Variants in VSX2 observed in about 807,000 individuals in gnomAD.
VSX2 encodes ceh-10 homeo domain containing homolog.
In VSX2, 28 loss-of-function variants were observed where a neutral mutation model predicts 32.1. The observed-to-expected ratio is 0.87, with a 90% CI of 0.65 to 1.20. The LOEUF (loss-of-function observed/expected upper bound fraction) is 1.20. VSX2 is among the 50% of genes most tolerant of loss of function. The pLI, the probability that VSX2 is intolerant of heterozygous loss-of-function variation, is 0.00. For missense variants in VSX2, 506 were observed against 488.7 expected (o/e 1.04, Z -0.33); for synonymous variants, 243 against 214.1 (o/e 1.14, Z -1.18).
Position 74,243,065 on chromosome 14 carries a change from G to A in VSX2, c.455+1799G>A, listed in dbSNP as rs922711436. On this transcript the variant is annotated intron_variant, in intron 2 of 4. Transcript: ENST00000261980. Reference sequence around the variant, plus strand: ...TGAAGGGAGAAGGTTATTGGAGAGAGGAGAATGGCTACGGATTTCAAGTGC... The same window carrying A: ...TGAAGGGAGAAGGTTATTGGAGAGAAGAGAATGGCTACGGATTTCAAGTGC... Among the ~76,000 whole-genome samples, 8 of 152,272 alleles carry A rather than the reference G, an allele frequency of 5.3e-5. No homozygotes were observed. In the South Asian group the frequency reaches 6.2e-4, roughly 12 times the overall value.
At chr14:74,254,689 G>A (rs544064032) in intron 3 of VSX2, among the ~76,000 whole-genome samples, 2 of 151,776 alleles carry the variant, frequency 1.3e-5, no homozygotes, top group South Asian at 2.1e-4. Flanking sequence ...TGTCTCTACC[G>A]AAAACTAACA....
chr14:74,257,711 C>G (rs1292800423), intron 3 of VSX2, among the ~76,000 whole-genome samples: 6 of 149,366 alleles, frequency 4.0e-5, no homozygotes, highest in African/African-American at 1.5e-4. Context: ...CGCGGACCAC[C>G]CCCCACCCAC....
At chr14:74,248,578 C>T (rs2079209784) in intron 3 of VSX2, among the ~76,000 whole-genome samples, 1 of 152,058 alleles carries the variant, frequency 6.6e-6, no homozygotes, top group Non-Finnish European at 1.5e-5. Flanking sequence ...GTGGTCCCAG[C>T]TACTCAAGAA....
chr14:74,245,754 G>A (rs1459806195), intron 3 of VSX2, among the ~76,000 whole-genome samples: 4 of 152,098 alleles, frequency 2.6e-5, no homozygotes, highest in African/African-American at 9.6e-5. Flanking sequence ...TCCCCATGAT[G>A]AAAGTGTTAC....
Position 74,239,731 on chromosome 14 carries a change from C to A in VSX2, c.170C>A (p.Ala57Asp), listed in dbSNP as rs1309181769. ...SHPRAALDGL[A>D]PGHLLAARSV... is the part of the protein sequence containing the mutation. ...CCGCGGGCAGCGCTCGACGGCCTGG[C>A]CCCCGGGCACTTGCTGGCGGCGCGC... The change falls in exon 1 of 5, where the codon GCC (alanine) becomes GAC (aspartate). Residue 57 changes from alanine to aspartate, a missense_variant. Transcript: ENST00000261980. The A allele has an allele frequency of 2.6e-6, 4 of 1,548,772 alleles. No homozygotes were observed. Among genetic ancestry groups the A allele is most frequent in the Non-Finnish European group, 3.5e-6 (4 of 1,146,574 alleles).
chr14:74,248,470 T>C (rs1010102553), intron 3 of VSX2, among the ~76,000 whole-genome samples: 1 of 151,898 alleles, frequency 6.6e-6, no homozygotes, highest in Non-Finnish European at 1.5e-5. Context: ...AAGAATTCCT[T>C]GAGTCCAGGA....
At chr14:74,257,719 C>A (rs924013887) in intron 3 of VSX2, among the ~76,000 whole-genome samples, 10 of 150,700 alleles carry the variant, frequency 6.6e-5, no homozygotes, top group African/African-American at 2.2e-4. Context: ...ACCCCCCACC[C>A]ACTTCCCCCG....
intron 3 of VSX2, among the ~76,000 whole-genome samples, chr14:74,248,352 C>T: frequency 1.3e-5 from 1 of 76,882 alleles, no homozygotes; most frequent in South Asian, 3.9e-4. Flanking sequence ...AAAAAAAAAA[C>T]AAAAAAAACC....
chr14:74,253,668 C>G (rs775502338), intron 3 of VSX2, among the ~76,000 whole-genome samples: 2 of 152,174 alleles, frequency 1.3e-5, no homozygotes, highest in Non-Finnish European at 2.9e-5. Context: ...TGGTGGCTCA[C>G]GCCTGTAATC....
At position 74,251,434 on chromosome 14, in the gene VSX2, G is replaced by C. The variant is rs1235919509; in HGVS notation, c.579+6146G>C. Among the ~76,000 whole-genome samples, 3 of 152,276 alleles carry C rather than the reference G, an allele frequency of 2.0e-5. No individual in the cohort carries two copies. In the East Asian group the frequency reaches 5.8e-4, roughly 29 times the overall value. On this transcript the variant is annotated intron_variant, in intron 3 of 4. Coordinates refer to ENST00000261980, the MANE Select transcript of VSX2 (RefSeq NM_182894.3). ...CATTGCACTCCAGCCTGGGCAACAA[G>C]AGCGAAACTCTGTCTCAAAAAAGCA...
intron 3 of VSX2, among the ~76,000 whole-genome samples, chr14:74,251,178 G>A (rs2079226827): frequency 1.3e-5 from 2 of 151,978 alleles, no homozygotes; most frequent in Middle Eastern, 3.4e-3. Context: ...CGCCGGGTAC[G>A]GTGGCTCACA....
At chr14:74,258,494 C>T (rs2079282377) in intron 3 of VSX2, among the ~76,000 whole-genome samples, 1 of 152,112 alleles carries the variant, frequency 6.6e-6, no homozygotes, top group South Asian at 2.1e-4. Context: ...GTCCTCCCCT[C>T]CCGACTCCCT....
chr14:74,253,692 A>T (rs978738857), intron 3 of VSX2, among the ~76,000 whole-genome samples: 1 of 152,196 alleles, frequency 6.6e-6, no homozygotes, highest in Non-Finnish European at 1.5e-5. Context: ...GCACTTTCGG[A>T]GGCCGAGGCT....
At chr14:74,241,131 C>T (rs373661181) in intron 1 of VSX2, 51 bp from the exon 2 acceptor site, 14 of 1,592,406 alleles carry the variant, frequency 8.8e-6, no homozygotes, top group Non-Finnish European at 1.2e-5. Context: ...GTTTCGGGCA[C>T]AGCGGAGCGC....
intron 3 of VSX2, among the ~76,000 whole-genome samples, chr14:74,248,058 C>G (rs1454429483): frequency 6.6e-6 from 1 of 151,996 alleles, no homozygotes; most frequent in African/African-American, 2.4e-5. Context: ...AGAGTTGAGT[C>G]TCTTTAGACT....
chr14:74,245,731 C>G (rs528329641), intron 3 of VSX2, among the ~76,000 whole-genome samples: 3 of 152,032 alleles, frequency 2.0e-5, no homozygotes, highest in Non-Finnish European at 4.4e-5. Flanking sequence ...TGTTTCCCTC[C>G]CCTCTCCTCC....
intron 2 of VSX2, among the ~76,000 whole-genome samples, chr14:74,244,837 A>G (rs2079173266): frequency 6.6e-6 from 1 of 151,364 alleles, no homozygotes; most frequent in Non-Finnish European, 1.5e-5. Flanking sequence ...GCCTTGAGGA[A>G]GAAGAGTCCG....
At chr14:74,241,134 C>A (rs548361723) in intron 1 of VSX2, 48 bp from the exon 2 acceptor site, 82 of 1,591,454 alleles carry the variant, frequency 5.2e-5, no homozygotes, top group Non-Finnish European at 6.3e-5. Flanking sequence ...TCGGGCACAG[C>A]GGAGCGCGTC....
intron 3 of VSX2, among the ~76,000 whole-genome samples, chr14:74,256,673 T>C (rs1212256925): frequency 8.0e-6 from 1 of 125,778 alleles, no homozygotes; most frequent in Non-Finnish European, 1.5e-5. Context: ...GTCATACTTT[T>C]TTTTTTTTTT....
Sources: gnomAD v4.1 joint callset for allele counts (sites outside exome capture counted in the v4.1 genomes callset) on GRCh38, gnomAD v4.1.1 for gene constraint, MANE v1.5 for transcripts, NCBI Gene and HGNC (gene_info 2026-07-23, HGNC 2026-07-21) for gene names.